The following INPP5A variants were observed in gnomAD, a reference collection of about 807,000 sequenced individuals.
The protein encoded by INPP5A is inositol polyphosphate-5-phosphatase A.
Under a neutral mutation model 65.2 loss-of-function variants are expected in INPP5A, and 14 were observed. The observed-to-expected ratio is 0.21, with a 90% CI of 0.14 to 0.34. INPP5A has a LOEUF of 0.34. Among genes scored for constraint, INPP5A ranks in the 10% least tolerant of loss-of-function variants. INPP5A has a pLI of 1.00. For missense variants in INPP5A, 431 were observed against 545.6 expected (o/e 0.79, Z 2.09); for synonymous variants, 207 against 208.3 (o/e 0.99, Z 0.05).
intron 8 of INPP5A, among the ~76,000 whole-genome samples, chr10:132,725,938 G>C (rs1296483492): frequency 6.6e-6 from 1 of 151,956 alleles, no homozygotes; most frequent in East Asian, 1.9e-4. Flanking sequence ...CCAATGCCAC[G>C]TTGCAAGGGT....
chr10:132,749,453 G>A (rs1204175748), intron 9 of INPP5A, 64 bp from the exon 10 acceptor site: 18 of 1,430,720 alleles, frequency 1.3e-5, no homozygotes, highest in South Asian at 4.7e-5. Flanking sequence ...TCGGGGTGTC[G>A]GGTGACGCTG....
chr10:132,562,181 C>T (rs2071214498), intron 1 of INPP5A, among the ~76,000 whole-genome samples: 1 of 152,264 alleles, frequency 6.6e-6, no homozygotes, highest in African/African-American at 2.4e-5. Context: ...GCGTCCTCCT[C>T]CTGCTGCACC....
In INPP5A at chr10:132,704,271, G is replaced by A. The variant is rs1845496332; in HGVS notation, c.475-4042G>A. Among the ~76,000 whole-genome samples the A allele has an allele frequency of 6.6e-6, 1 of 152,160 alleles. No individual in the cohort carries two copies. The highest frequency in any genetic ancestry group is 1.9e-4 in the East Asian group (1 of 5,178). ...TGCCTCCCACTGTCACTAGTAGAGG[G>A]GCCTCACCCAGTTACTGTAGATTTG... On this transcript the variant is annotated intron_variant, in intron 6 of 15. Transcript: ENST00000368594. This position sits in a 1 kb window ranked among gnomAD's most constrained non-coding sequence, Gnocchi z 4.5.
At chr10:132,570,720 A>G (rs1209812376) in intron 1 of INPP5A, among the ~76,000 whole-genome samples, 2 of 152,182 alleles carry the variant, frequency 1.3e-5, no homozygotes, top group African/African-American at 4.8e-5. Flanking sequence ...CAAGGGACCA[A>G]CTGAGCCATT....
chr10:132,537,935 C>T lies in INPP5A; in HGVS notation c.-162C>T, dbSNP rs1206955132. 1 of 159,780 alleles carries T rather than the reference C, an allele frequency of 6.3e-6. No individual in the cohort carries two copies. The highest frequency in any genetic ancestry group is 1.3e-5 in the Non-Finnish European group (1 of 75,868). The allele number at this position is 159,780 out of a possible 1,614,324, so 9.9% of individuals were successfully genotyped here. ...AGCGAGCGAGCGCGAGGCCGGAGCCCCGGCCAGGCCCGGCCGACCCGCCGA... is the reference window on the plus strand; with the variant it reads ...AGCGAGCGAGCGCGAGGCCGGAGCCTCGGCCAGGCCCGGCCGACCCGCCGA... On this transcript the variant is annotated 5_prime_UTR_variant, in exon 1 of 16. Transcript: ENST00000368594.
chr10:132,732,623 C>T (rs1057280815), intron 9 of INPP5A, among the ~76,000 whole-genome samples: 9 of 152,184 alleles, frequency 5.9e-5, no homozygotes, highest in South Asian at 2.1e-4. Context: ...ATCCCATGGC[C>T]GCAGGGATTT....
At position 132,659,576 on chromosome 10, in the gene INPP5A, C is replaced by G. The variant is rs1490674049; in HGVS notation, c.306+9071C>G. Among the ~76,000 whole-genome samples the G allele has an allele frequency of 6.6e-6, 1 of 152,218 alleles. No homozygotes were observed. Among genetic ancestry groups the G allele is most frequent in the East Asian group, 1.9e-4 (1 of 5,188 alleles). Reference sequence around the variant, plus strand: ...TGGCAGTCCATTCATTCAACATGCCCTGGTCCAGCTGCTGCACAGCCATGG... The same window carrying G: ...TGGCAGTCCATTCATTCAACATGCCGTGGTCCAGCTGCTGCACAGCCATGG... On this transcript the variant is annotated intron_variant, in intron 4 of 15. Transcript: ENST00000368594. This position sits in a 1 kb window ranked among gnomAD's most constrained non-coding sequence, Gnocchi z 5.5.
chr10:132,597,565 G>A (rs541658893), intron 1 of INPP5A, among the ~76,000 whole-genome samples: 3 of 152,350 alleles, frequency 2.0e-5, no homozygotes, highest in South Asian at 4.1e-4. Flanking sequence ...CATTAGGCAA[G>A]TTAAACAATA....
intron 1 of INPP5A, among the ~76,000 whole-genome samples, chr10:132,542,248 C>T (rs1397866330): frequency 6.6e-6 from 1 of 152,244 alleles, no homozygotes; most frequent in Non-Finnish European, 1.5e-5. Context: ...CCGGGCAGCC[C>T]TGTCCCTCTG....
At chr10:132,648,107 C>T (rs1055144172) in intron 3 of INPP5A, among the ~76,000 whole-genome samples, 5 of 152,222 alleles carry the variant, frequency 3.3e-5, no homozygotes, top group East Asian at 3.9e-4. Flanking sequence ...CTGACAAAAA[C>T]GAGTGTTTAA....
At chr10:132,666,715 T>C (rs984048322) in intron 4 of INPP5A, among the ~76,000 whole-genome samples, 1 of 152,232 alleles carries the variant, frequency 6.6e-6, no homozygotes, top group Non-Finnish European at 1.5e-5. Flanking sequence ...AATTAATGTT[T>C]GGTTGTCAAT....
intron 12 of INPP5A, among the ~76,000 whole-genome samples, chr10:132,776,472 C>T (rs548211758): frequency 1.3e-5 from 2 of 152,254 alleles, no homozygotes; most frequent in East Asian, 1.9e-4. Flanking sequence ...GGGATGGACC[C>T]GAAACCCAAT....
chr10:132,643,119 A>C (rs750560628), intron 2 of INPP5A, among the ~76,000 whole-genome samples: 2 of 152,252 alleles, frequency 1.3e-5, no homozygotes, highest in Non-Finnish European at 2.9e-5. Flanking sequence ...GGGTTGACCA[A>C]TTAAGATATA....
chr10:132,554,240 G>T (rs558941113), intron 1 of INPP5A, among the ~76,000 whole-genome samples: 1 of 152,296 alleles, frequency 6.6e-6, no homozygotes, highest in African/African-American at 2.4e-5. Flanking sequence ...AGGGCAAAGG[G>T]GTAGTGTACT....
intron 9 of INPP5A, among the ~76,000 whole-genome samples, chr10:132,732,596 C>T (rs1468898339): frequency 1.3e-5 from 2 of 152,172 alleles, no homozygotes; most frequent in East Asian, 1.9e-4. Context: ...GGGACTGGCC[C>T]GAAGCTGAGC....
chr10:132,781,012 C>A, intron 14 of INPP5A, 95 bp downstream of exon 14: 1 of 793,360 alleles, frequency 1.3e-6, no homozygotes, highest in Non-Finnish European at 2.1e-6. Context: ...GGTGCTGGGG[C>A]TGGCAGGCAG....
intron 9 of INPP5A, among the ~76,000 whole-genome samples, chr10:132,732,001 A>G (rs1196674135): frequency 6.6e-6 from 1 of 152,188 alleles, no homozygotes; most frequent in Non-Finnish European, 1.5e-5. Flanking sequence ...GATGCCACCC[A>G]GGGGAGCCCC....
intron 1 of INPP5A, among the ~76,000 whole-genome samples, chr10:132,606,459 G>A (rs1264457496): frequency 6.6e-6 from 1 of 152,238 alleles, no homozygotes; most frequent in Non-Finnish European, 1.5e-5. Context: ...CGCAGTGGGC[G>A]ATTCTCTCCC....
At chr10:132,565,559 ATG>A (rs1162001655) in intron 1 of INPP5A, among the ~76,000 whole-genome samples, 2 of 152,202 alleles carry the variant, frequency 1.3e-5, no homozygotes, top group Admixed American at 1.3e-4. Flanking sequence ...GTATATATGT[ATG>A]TGTGCGTATG....
Sources: gnomAD v4.1 joint callset for allele counts (sites outside exome capture counted in the v4.1 genomes callset) on GRCh38, gnomAD v4.1.1 for gene constraint, Gnocchi (gnomAD v3.1) non-coding constraint, MANE v1.5 for transcripts, NCBI Gene and HGNC (gene_info 2026-07-23, HGNC 2026-07-21) for gene names.